The following SLC6A2 variants were observed in gnomAD, a reference collection of about 807,000 sequenced individuals.
SLC6A2 encodes the protein solute carrier family 6 member 2, also known as sodium-dependent noradrenaline transporter.
Under a neutral mutation model 71.7 loss-of-function variants are expected in SLC6A2, and 26 were observed. The observed-to-expected ratio is 0.36, with a 90% CI of 0.27 to 0.50. The LOEUF is 0.50. Ranked by LOEUF, SLC6A2 falls within the 20% of genes least tolerant of loss-of-function variation. SLC6A2 has a pLI of 0.96. For synonymous variants in SLC6A2, 363 were observed against 337.9 expected, an observed-to-expected ratio of 1.07 and a Z score of -0.82; for missense variants, 581 against 803.9, an observed-to-expected ratio of 0.72 and a Z score of 3.35.
Position 55,685,224 on chromosome 16 carries a change from G to A in SLC6A2, c.726G>A (p.Met242Ile), listed in dbSNP as rs753867871. 3.1e-6 allele frequency: 5 copies of A among 1,614,146 alleles called. 1 individual carries two copies. In the South Asian group the frequency reaches 5.5e-5, roughly 18 times the overall value. ...AGTGGCAGCTCTTGCTCTGTCTGAT[G>A]GTCGTCGTCATCGTCTTGTATTTTA... ...LPQWQLLLCLMVVVIVLYFSL... is the reference protein window; with the variant it reads ...LPQWQLLLCLIVVVIVLYFSL... The change falls in exon 5 of 15, where the codon ATG (methionine) becomes ATA (isoleucine). Residue 242 changes from methionine to isoleucine, a missense_variant. Transcript: ENST00000568943.
Position 55,694,105 on chromosome 16 carries a change from C to T in SLC6A2, c.1014C>T (p.Asn338=). 3.2e-6 allele frequency: 5 copies of T among 1,580,594 alleles called. No individual in the cohort carries two copies. Among genetic ancestry groups the T allele is most frequent in the Non-Finnish European group, 4.3e-6 (5 of 1,149,428 alleles). Residue 338 remains asparagine (N), a synonymous_variant, in exon 7 of 15, where the codon AAC becomes AAT. Coordinates refer to ENST00000568943, the MANE Select transcript of SLC6A2 (RefSeq NM_001172501.3). The part of the protein sequence containing the change: ...AFASYNKFDN[N]CYRDALLTSS... ...CCAGTTACAACAAATTTGACAACAACTGTTACAGGTAAGATTCTTCTCAGA... is the reference window on the plus strand; with the variant it reads ...CCAGTTACAACAAATTTGACAACAATTGTTACAGGTAAGATTCTTCTCAGA...
rs779105469 is a variant in SLC6A2, at chr16:55,656,702, T to C, written c.8T>C (p.Leu3Pro). The C allele has an allele frequency of 8.7e-6, 14 of 1,612,284 alleles. No homozygotes were observed. In the Admixed American group the frequency reaches 1.0e-4, roughly 12 times the overall value. The change falls in exon 2 of 15, where the codon CTG (leucine) becomes CCG (proline). Residue 3 changes from leucine to proline, a missense_variant. Coordinates refer to ENST00000568943, the MANE Select transcript of SLC6A2 (RefSeq NM_001172501.3). This position sits in a 1 kb window ranked among gnomAD's most constrained non-coding sequence, Gnocchi z 4.5. The stretch of plus-strand genomic sequence containing the variant: ...CTCTCGCCAGCCGCATCCATGCTTC[T>C]GGCGCGGATGAACCCGCAGGTGCAG... Reference protein sequence around the residue: MLLARMNPQVQPE... With the variant: MLPARMNPQVQPE...
Position 55,703,223 on chromosome 16 carries a change from G to GA in SLC6A2, c.*880dup, listed in dbSNP as rs2142646318. On this transcript the variant is annotated 3_prime_UTR_variant, in exon 15 of 15. Coordinates refer to ENST00000568943, the MANE Select transcript of SLC6A2 (RefSeq NM_001172501.3). Reference sequence around the variant, plus strand: ...CTGCACTTCCTGAGACCTGCCTGGGGAAACGGGGGCAGGGACCAAGTGAGG... The same window carrying GA: ...CTGCACTTCCTGAGACCTGCCTGGGGAAAACGGGGGCAGGGACCAAGTGAGG... 1 of 985,370 alleles carries GA rather than the reference G, an allele frequency of 1.0e-6. No individual in the cohort carries two copies. Among genetic ancestry groups the GA allele is most frequent in the Non-Finnish European group, 1.2e-6 (1 of 829,860 alleles). 61.0% of individuals were successfully genotyped at this position (985,370 alleles called of 1,614,324 possible).
At chr16:55,689,774 T>C (rs148937324) in intron 5 of SLC6A2, among the ~76,000 whole-genome samples, 54 of 152,352 alleles carry the variant, frequency 3.5e-4, no homozygotes, top group African/African-American at 1.3e-3. Context: ...TTATTTGTTA[T>C]GCAATTTGTC....
rs1964449939 is a variant in SLC6A2 at position 55,656,454 on chromosome 16, A to G, written c.-51-190A>G. 1.7e-6 allele frequency: 1 copy of G among 588,226 alleles called. No individual in the cohort carries two copies. The allele number at this position is 588,226 out of a possible 1,614,324, so 36.4% of individuals were successfully genotyped here. ...CCCAGAGGGCTGTCAGAAGTCTCCA[A>G]CTCTTGAGTTCCGGCGTGCCCCAAC... On this transcript the variant is annotated intron_variant, in intron 1 of 14. Coordinates refer to ENST00000568943, the MANE Select transcript of SLC6A2 (RefSeq NM_001172501.3). The surrounding 1 kb of genome is among the most constrained non-coding windows in gnomAD (Gnocchi z 4.5).
At chr16:55,662,737 G>A (rs938230291) in intron 2 of SLC6A2, among the ~76,000 whole-genome samples, 1 of 152,206 alleles carries the variant, frequency 6.6e-6, no homozygotes, top group Non-Finnish European at 1.5e-5. Context: ...CCCGGCGCCA[G>A]TTTCCCTGAA....
At chr16:55,672,231 G>A (rs1371712479) in intron 4 of SLC6A2, 56 bp downstream of exon 4, 16 of 1,613,856 alleles carry the variant, frequency 9.9e-6, no homozygotes, top group Non-Finnish European at 1.4e-5. Flanking sequence ...GGTATGACCT[G>A]AGCCAAACAC....
chr16:55,668,245 C>A (rs1371491933), intron 2 of SLC6A2, among the ~76,000 whole-genome samples: 2 of 152,118 alleles, frequency 1.3e-5, no homozygotes, highest in East Asian at 3.9e-4. Context: ...CCCTAGGTAT[C>A]ATGTGACTTT....
chr16:55,690,418 T>A (rs746389655), intron 5 of SLC6A2, among the ~76,000 whole-genome samples: 5 of 152,360 alleles, frequency 3.3e-5, no homozygotes, highest in Non-Finnish European at 7.3e-5. Context: ...AGAGCCCATA[T>A]CTTTTTAGCC....
chr16:55,684,856 C>G (rs1049576646), intron 4 of SLC6A2, among the ~76,000 whole-genome samples: 1 of 152,202 alleles, frequency 6.6e-6, no homozygotes, highest in East Asian at 1.9e-4. Flanking sequence ...CAAGGCCAGG[C>G]GAGCAATAGG....
intron 4 of SLC6A2, among the ~76,000 whole-genome samples, chr16:55,680,494 A>G (rs1414786941): frequency 6.6e-6 from 1 of 152,180 alleles, no homozygotes; most frequent in Non-Finnish European, 1.5e-5. Context: ...TGGGAGTAAG[A>G]TGCAGGCCAG....
intron 5 of SLC6A2, among the ~76,000 whole-genome samples, chr16:55,690,211 C>A (rs564107397): frequency 6.6e-6 from 1 of 152,328 alleles, no homozygotes; most frequent in East Asian, 1.9e-4. Context: ...CCAGTCCAAT[C>A]ATTCGTACAA....
intron 6 of SLC6A2, among the ~76,000 whole-genome samples, chr16:55,692,844 C>G (rs1423594339): frequency 6.6e-6 from 1 of 152,216 alleles, no homozygotes; most frequent in Non-Finnish European, 1.5e-5. Flanking sequence ...CTCCAACACA[C>G]TGCAATGTTA....
Position 55,703,761 on chromosome 16 carries a change from TAAA to T in SLC6A2, c.*1416_*1418del, listed in dbSNP as rs1289738634. 5.1e-6 allele frequency: 5 copies of T among 985,180 alleles called. No homozygotes were observed. The highest frequency in any genetic ancestry group is 1.1e-4 in the East Asian group (1 of 8,802). 61.0% of individuals were successfully genotyped at this position (985,180 alleles called of 1,614,324 possible). On this transcript the variant is annotated 3_prime_UTR_variant, in exon 15 of 15. Coordinates refer to ENST00000568943, the MANE Select transcript of SLC6A2 (RefSeq NM_001172501.3). Reference sequence around the variant, plus strand: ...CCTGTTGCGGGATCTTGGGAAAAAATAAAGAAGCCGCTGCATTCGCACGTCAAG... The same window carrying T: ...CCTGTTGCGGGATCTTGGGAAAAAATGAAGCCGCTGCATTCGCACGTCAAG...
chr16:55,681,146 G>A (rs1478653853), intron 4 of SLC6A2, among the ~76,000 whole-genome samples: 1 of 152,160 alleles, frequency 6.6e-6, no homozygotes, highest in African/African-American at 2.4e-5. Context: ...GCTGCTCCTT[G>A]AAGCCTAGGA....
chr16:55,662,456 A>C (rs1380079647), intron 2 of SLC6A2, among the ~76,000 whole-genome samples: 7 of 152,164 alleles, frequency 4.6e-5, no homozygotes, highest in African/African-American at 1.2e-4. Flanking sequence ...GATCTCCTAA[A>C]AGTTTGTCAT....
chr16:55,687,475 G>A (rs577281833), intron 5 of SLC6A2, among the ~76,000 whole-genome samples: 13 of 152,320 alleles, frequency 8.5e-5, no homozygotes, highest in African/African-American at 2.9e-4. Context: ...GCAGGTAGAG[G>A]TGGGGTGGAA....
At position 55,656,969 on chromosome 16, in the gene SLC6A2, G is replaced by T; in HGVS notation, c.274+1G>T. 6.2e-7 allele frequency: 1 copy of T among 1,613,156 alleles called. No homozygotes were observed. The highest frequency in any genetic ancestry group is 8.5e-7 in the Non-Finnish European group (1 of 1,179,604). ...TACCTCTGCTACAAGAACGGCGGCG[G>T]TGAGCGTGGGGTCGGGCTGGGAATT... is the stretch of plus-strand genomic sequence containing the variant. On this transcript the variant is annotated splice_donor_variant, in intron 2 of 14. Transcript: ENST00000568943. LOFTEE classifies it high-confidence loss of function. This position sits in a 1 kb window ranked among gnomAD's most constrained non-coding sequence, Gnocchi z 4.5.
chr16:55,696,477 A>G (rs1965802951), intron 9 of SLC6A2, 140 bp downstream of exon 9: 10 of 685,240 alleles, frequency 1.5e-5, no homozygotes, highest in Non-Finnish European at 2.4e-5. Context: ...ATTTAAATGC[A>G]GACAAAAAAA....
Sources: allele counts gnomAD v4.1 joint callset (sites outside exome capture counted in the v4.1 genomes callset), GRCh38; gene constraint gnomAD v4.1.1; non-coding constraint Gnocchi (gnomAD v3.1); transcripts MANE v1.5; gene names NCBI Gene and HGNC (gene_info 2026-07-23, HGNC 2026-07-21).